The following PRLR variants were observed in gnomAD, a reference collection of about 807,000 sequenced individuals.
The protein encoded by PRLR is hPRL receptor.
Under a neutral mutation model 40.2 loss-of-function variants are expected in PRLR, and 13 were observed. The observed-to-expected ratio is 0.32, with a 90% CI of 0.21 to 0.51. The LOEUF is 0.51. Among genes scored for constraint, PRLR ranks in the 20% least tolerant of loss-of-function variants. The probability of loss-of-function intolerance (pLI) is 0.97; values close to 1 mark genes in which losing one functional copy is unlikely to be tolerated. For synonymous variants in PRLR, 269 were observed against 278.7 expected, an observed-to-expected ratio of 0.97 and a Z score of 0.35; for missense variants, 656 against 747.3, an observed-to-expected ratio of 0.88 and a Z score of 1.42.
At chr5:35,083,149 A>G (rs542399684) in intron 5 of PRLR, among the ~76,000 whole-genome samples, 39 of 152,092 alleles carry the variant, frequency 2.6e-4, no homozygotes, top group African/African-American at 9.4e-4. Context: ...ACTCATGTCC[A>G]CAGTCCATGC....
intron 2 of PRLR, among the ~76,000 whole-genome samples, chr5:35,107,816 T>C (rs1293296666): frequency 1.3e-5 from 2 of 152,308 alleles, no homozygotes; most frequent in South Asian, 2.1e-4. Context: ...GCTGATACCA[T>C]TCCTTCTAAA....
At chr5:35,199,954 C>T (rs761512588) in intron 1 of PRLR, among the ~76,000 whole-genome samples, 14 of 152,280 alleles carry the variant, frequency 9.2e-5, no homozygotes, top group Non-Finnish European at 1.6e-4. Flanking sequence ...TCAATCTTGT[C>T]CCCTCCAAAG....
intron 1 of PRLR, among the ~76,000 whole-genome samples, chr5:35,229,973 C>A (rs9292578): frequency 0.052 from 7,941 of 152,286 alleles, 272 homozygotes; most frequent in African/African-American, 0.085. Context: ...CGAATGCGAG[C>A]CGAGTGCAGT....
intron 1 of PRLR, among the ~76,000 whole-genome samples, chr5:35,228,927 C>A (rs1776621381): frequency 6.6e-6 from 1 of 152,026 alleles, no homozygotes; most frequent in Non-Finnish European, 1.5e-5. Flanking sequence ...TATCCACAAA[C>A]CCTCAGGGAT....
intron 1 of PRLR, among the ~76,000 whole-genome samples, chr5:35,197,387 C>G (rs1775765192): frequency 6.6e-6 from 1 of 152,230 alleles, no homozygotes; most frequent in Non-Finnish European, 1.5e-5. Context: ...CCCTTTCCTT[C>G]TGGCTGCTCC....
chr5:35,218,412 A>C (rs1428978945), intron 1 of PRLR, among the ~76,000 whole-genome samples: 1 of 144,656 alleles, frequency 6.9e-6, no homozygotes, highest in Non-Finnish European at 1.5e-5. Context: ...ATATATAACT[A>C]GTTTAAACAT....
At chr5:35,084,697 T>C in intron 4 of PRLR, 58 bp from the exon 5 acceptor site, 1 of 1,527,436 alleles carries the variant, frequency 6.5e-7, no homozygotes, top group Non-Finnish European at 8.9e-7. Flanking sequence ...GTCTAGTTTT[T>C]TTCTTCATAG....
chr5:35,105,768 A>G (rs1772198803), intron 2 of PRLR, among the ~76,000 whole-genome samples: 1 of 152,254 alleles, frequency 6.6e-6, no homozygotes, highest in Non-Finnish European at 1.5e-5. Flanking sequence ...CCTGAAAGTA[A>G]CAAGGAGAAT....
At chr5:35,150,033 C>T (rs920222997) in intron 1 of PRLR, among the ~76,000 whole-genome samples, 10 of 152,016 alleles carry the variant, frequency 6.6e-5, no homozygotes, top group East Asian at 1.9e-4. Context: ...TACAGGCATG[C>T]GCCACGACGC....
At chr5:35,175,122 GCT>G (rs1377120360) in intron 1 of PRLR, among the ~76,000 whole-genome samples, 1 of 152,094 alleles carries the variant, frequency 6.6e-6, no homozygotes, top group Non-Finnish European at 1.5e-5. Context: ...ATATGGTTTG[GCT>G]CTGTGTCCCC....
intron 1 of PRLR, among the ~76,000 whole-genome samples, chr5:35,214,343 G>A (rs951823203): frequency 3.3e-5 from 5 of 152,214 alleles, no homozygotes; most frequent in Non-Finnish European, 7.3e-5. Flanking sequence ...GTGGGTGAAT[G>A]TACAAAGCAC....
chr5:35,132,162 A>G (rs1773707685), intron 1 of PRLR, among the ~76,000 whole-genome samples: 1 of 152,170 alleles, frequency 6.6e-6, no homozygotes, highest in South Asian at 2.1e-4. Context: ...ATTTCCACTT[A>G]CCAACCTATC....
chr5:35,049,443 A>G, intron 8 of PRLR: 1 of 702,190 alleles, frequency 1.4e-6, no homozygotes, highest in Non-Finnish European at 2.6e-6. Context: ...CATTCTGAAT[A>G]ACTTCTAGAG....
intron 1 of PRLR, among the ~76,000 whole-genome samples, chr5:35,150,482 A>G (rs1774309631): frequency 6.6e-6 from 1 of 152,226 alleles, no homozygotes; most frequent in Non-Finnish European, 1.5e-5. Flanking sequence ...CAACAAACAG[A>G]ATTGTGCTGT....
intron 1 of PRLR, among the ~76,000 whole-genome samples, chr5:35,196,670 T>C (rs1775745695): frequency 6.6e-6 from 1 of 152,224 alleles, no homozygotes; most frequent in African/African-American, 2.4e-5. Flanking sequence ...AACATTGCCA[T>C]GGGCAGGACA....
At chr5:35,066,262 T>C (rs1323753067) in intron 9 of PRLR, among the ~76,000 whole-genome samples, 160 bp from the exon 10 acceptor site, 1 of 151,662 alleles carries the variant, frequency 6.6e-6, no homozygotes, top group Admixed American at 6.6e-5. Flanking sequence ...TTCTGGATAC[T>C]ATTCAGCAGA....
intron 1 of PRLR, among the ~76,000 whole-genome samples, chr5:35,222,955 C>T (rs139419835): frequency 6.6e-6 from 1 of 152,152 alleles, no homozygotes; most frequent in Non-Finnish European, 1.5e-5. Context: ...TTACAAAAAG[C>T]CTGGTAGAAA....
intron 2 of PRLR, among the ~76,000 whole-genome samples, chr5:35,099,029 C>T (rs763485556): frequency 4.6e-5 from 7 of 152,218 alleles, no homozygotes; most frequent in Non-Finnish European, 1.0e-4. Flanking sequence ...TATTTTCCCA[C>T]TCTTATTCCT....
chr5:35,131,274 T>C (rs895552278), intron 1 of PRLR, among the ~76,000 whole-genome samples: 3 of 152,168 alleles, frequency 2.0e-5, no homozygotes, highest in African/African-American at 7.2e-5. Context: ...ACATGTTTTA[T>C]TCTAGTGTAG....
Sources: gnomAD v4.1 joint callset for allele counts (sites outside exome capture counted in the v4.1 genomes callset) on GRCh38, gnomAD v4.1.1 for gene constraint, MANE v1.5 for transcripts, NCBI Gene and HGNC (gene_info 2026-07-23, HGNC 2026-07-21) for gene names.